The following SASS6 variants were observed in gnomAD, a reference collection of about 807,000 sequenced individuals.
SASS6 encodes the protein SAS-6 centriolar assembly protein, also known as spindle assembly abnormal protein 6 homolog.
Under a neutral mutation model 94.9 loss-of-function variants are expected in SASS6, and 59 were observed. That is an observed-to-expected ratio of 0.62 (90% CI 0.50 to 0.77). The LOEUF (loss-of-function observed/expected upper bound fraction) is 0.77, where lower values mean the gene tolerates loss of function less well. Ranked by LOEUF, SASS6 falls within the 30% of genes least tolerant of loss-of-function variation. The pLI, the probability that SASS6 is intolerant of heterozygous loss-of-function variation, is 0.00. For missense variants in SASS6, 698 were observed against 734.1 expected (o/e 0.95, Z 0.57); for synonymous variants, 264 against 270.0 (o/e 0.98, Z 0.22).
At chr1:100,122,617 A>T in intron 3 of SASS6, 133 bp from the exon 4 acceptor site, 1 of 403,094 alleles carries the variant, frequency 2.5e-6, no homozygotes, top group Non-Finnish European at 4.3e-6. Flanking sequence ...CAGTGGTGCA[A>T]TCTTGGCTCA....
intron 8 of SASS6, among the ~76,000 whole-genome samples, chr1:100,109,684 T>C (rs897398238): frequency 4.6e-5 from 7 of 152,062 alleles, no homozygotes; most frequent in African/African-American, 1.7e-4. Context: ...TGAGTTCTAA[T>C]CCTTGTTCTT....
chr1:100,124,880 G>C (rs1180445571), intron 2 of SASS6, among the ~76,000 whole-genome samples: 1 of 152,122 alleles, frequency 6.6e-6, no homozygotes, highest in Non-Finnish European at 1.5e-5. Context: ...TCACAATAGG[G>C]TTTGCACTCC....
rs1654184290 is a variant in SASS6, at chr1:100,121,394, C to G, written c.467G>C (p.Cys156Ser). ...DVEIKKFLAGCLKCSKEEKLS... is the reference protein window; with the variant it reads ...DVEIKKFLAGSLKCSKEEKLS... ...AAATCTTACCTTGCTACATTTCAAACAGCCTGCGAGAAATTTCTTTATCTC... is the reference window on the plus strand; with the variant it reads ...AAATCTTACCTTGCTACATTTCAAAGAGCCTGCGAGAAATTTCTTTATCTC... Residue 156 changes from cysteine (C) to serine (S), a missense_variant, in exon 5 of 17, where the codon TGT (cysteine) becomes TCT (serine). By Grantham distance (112) the Cys-to-Ser change is moderately radical. Transcript: ENST00000287482. 2 of 1,573,970 alleles carry G rather than the reference C, an allele frequency of 1.3e-6. No homozygotes were observed. The highest frequency in any genetic ancestry group is 1.2e-5 in the South Asian group (1 of 84,074).
intron 14 of SASS6, among the ~76,000 whole-genome samples, chr1:100,095,870 T>C (rs1238697056): frequency 6.6e-6 from 1 of 152,198 alleles, no homozygotes; most frequent in Non-Finnish European, 1.5e-5. Flanking sequence ...TCAAGACTTA[T>C]ATATTGAAAA....
At chr1:100,105,286 TG>T (rs1428185385) in intron 13 of SASS6, among the ~76,000 whole-genome samples, 1 of 152,128 alleles carries the variant, frequency 6.6e-6, no homozygotes, top group African/African-American at 2.4e-5. Flanking sequence ...CCCAACACTT[TG>T]GGAGGCCGAG....
rs374400107 is a variant in SASS6, at chr1:100,105,600, C to G, written c.1545+167G>C. ...CAGCCTCTGTTCAGAGCAAGTGTGC[C>G]TTTGTTCCACTTCCAGGGGCAACTT... is the stretch of plus-strand genomic sequence containing the variant. On this transcript the variant is annotated intron_variant, in intron 13 of 16. Coordinates refer to ENST00000287482, the MANE Select transcript of SASS6 (RefSeq NM_194292.3). 5.1e-4 allele frequency among the ~76,000 whole-genome samples: 78 copies of G among 152,214 alleles called. No homozygotes were observed. In the South Asian group the frequency reaches 0.016, roughly 32 times the overall value.
chr1:100,102,574 G>C (rs1652580896), intron 14 of SASS6, among the ~76,000 whole-genome samples: 2 of 151,684 alleles, frequency 1.3e-5, no homozygotes, highest in African/African-American at 4.8e-5. Flanking sequence ...AGCTACTCAG[G>C]AGGCTGAGGC....
At chr1:100,126,670 G>A (rs1213240065) in intron 1 of SASS6, among the ~76,000 whole-genome samples, 2 of 152,256 alleles carry the variant, frequency 1.3e-5, no homozygotes, top group East Asian at 3.9e-4. Context: ...CCAGCTATTT[G>A]GGAGGCTGAG....
At chr1:100,099,551 T>C (rs542519153) in intron 14 of SASS6, 46 of 152,476 alleles carry the variant, frequency 3.0e-4, no homozygotes, top group African/African-American at 1.0e-3. Flanking sequence ...ACCTTCAACA[T>C]CCACTCTATG....
rs758218680 is a variant in SASS6 at position 100,120,484 on chromosome 1, C to A, written c.484-25G>T. 2.9e-6 allele frequency: 3 copies of A among 1,030,008 alleles called. No homozygotes were observed. In the South Asian group the frequency reaches 3.8e-5, roughly 13 times the overall value. The allele number at this position is 1,030,008 out of a possible 1,614,324, so 63.8% of individuals were successfully genotyped here. Reference sequence around the variant, plus strand: ...CCTATTCATAAAAATAATAAAATTACACAGTTTACAATGTAATCATCTATA... The same window carrying A: ...CCTATTCATAAAAATAATAAAATTAAACAGTTTACAATGTAATCATCTATA... On this transcript the variant is annotated intron_variant, in intron 5 of 16. Coordinates refer to ENST00000287482, the MANE Select transcript of SASS6 (RefSeq NM_194292.3).
intron 7 of SASS6, 69 bp from the exon 8 acceptor site, chr1:100,110,552 T>A: frequency 1.3e-6 from 1 of 789,450 alleles, no homozygotes. Context: ...ACAGAAAGAT[T>A]TGAACAAAAA....
chr1:100,101,136 G>C (rs1652459275), intron 14 of SASS6, among the ~76,000 whole-genome samples: 1 of 152,134 alleles, frequency 6.6e-6, no homozygotes, highest in Non-Finnish European at 1.5e-5. Flanking sequence ...TGAAGTGTAA[G>C]AGTTGAATGT....
At position 100,110,472 on chromosome 1, in the gene SASS6, T is replaced by C; in HGVS notation, c.681A>G (p.Gln227=). Residue 227 remains glutamine (Q), a synonymous_variant, in exon 8 of 17, where the codon CAA becomes CAG. Transcript: ENST00000287482. ...TCTGTTGTTCATGCTGCTGTTGATA[T>C]TGAACCTGTGCCTATGATACAATAA... ...EKEKALQAQV[Q]YQQQHEQQKK... 6.3e-7 allele frequency: 1 copy of C among 1,597,106 alleles called. No homozygotes were observed.
chr1:100,100,230 C>T (rs1652377380), intron 14 of SASS6, among the ~76,000 whole-genome samples: 1 of 152,146 alleles, frequency 6.6e-6, no homozygotes, highest in Non-Finnish European at 1.5e-5. Context: ...CATGCCACTG[C>T]ACTCTAGCCT....
chr1:100,130,213 A>G (rs949464606), intron 1 of SASS6, among the ~76,000 whole-genome samples: 1 of 152,174 alleles, frequency 6.6e-6, no homozygotes, highest in Admixed American at 6.5e-5. Flanking sequence ...TATTTCCCCT[A>G]TTAAAATGTG....
chr1:100,091,043 G>A (rs905663477), intron 14 of SASS6, among the ~76,000 whole-genome samples: 1 of 152,090 alleles, frequency 6.6e-6, no homozygotes, highest in African/African-American at 2.4e-5. Context: ...GGTGGCTCAC[G>A]CATGTGATCC....
chr1:100,124,525 A>C (rs1290185918), intron 2 of SASS6, among the ~76,000 whole-genome samples: 1 of 152,150 alleles, frequency 6.6e-6, no homozygotes, highest in Non-Finnish European at 1.5e-5. Flanking sequence ...GAACTACAGG[A>C]GTGTGCCACC....
intron 15 of SASS6, among the ~76,000 whole-genome samples, chr1:100,087,768 C>T (rs1651414847): frequency 6.6e-6 from 1 of 152,076 alleles, no homozygotes. Context: ...CAGGGACAGA[C>T]ATAGCCATAT....
chr1:100,108,455 C>T (rs919625377), intron 8 of SASS6, among the ~76,000 whole-genome samples: 6 of 151,836 alleles, frequency 4.0e-5, no homozygotes, highest in Admixed American at 6.6e-5. Flanking sequence ...CTTTCTATGT[C>T]AATAAATGTT....
Sources: gnomAD v4.1 joint callset for allele counts (sites outside exome capture counted in the v4.1 genomes callset) on GRCh38, gnomAD v4.1.1 for gene constraint, MANE v1.5 for transcripts, NCBI Gene and HGNC (gene_info 2026-07-23, HGNC 2026-07-21) for gene names.